RABGAP1: variants seen among roughly 807,000 people sequenced by gnomAD.
RABGAP1 encodes the protein RAB GTPase activating protein 1.
RABGAP1 carries 23 observed loss-of-function variants against 137.6 expected under a neutral mutation model. The ratio of observed to expected loss-of-function variants is 0.17; its 90% confidence interval spans 0.12 to 0.24. RABGAP1 has a LOEUF of 0.24. Ranked by LOEUF, RABGAP1 falls within the 10% of genes least tolerant of loss-of-function variation. The pLI, the probability that RABGAP1 is intolerant of heterozygous loss-of-function variation, is 1.00. For missense variants in RABGAP1, 906 were observed against 1,275.8 expected, an observed-to-expected ratio of 0.71 and a Z score of 4.42; for synonymous variants, 451 against 450.7, an observed-to-expected ratio of 1.00 and a Z score of -0.01.
chr9:122,950,377 C>CTTTTTTTTTTTTTTT (rs200424486), intron 1 of RABGAP1, among the ~76,000 whole-genome samples: 60 of 74,486 alleles, frequency 8.1e-4, no homozygotes, highest in East Asian at 3.8e-3. Flanking sequence ...CTTTTTCTTT[C>CTTTTTTTTTTTTTTT]TTTTTTTTTT....
chr9:122,982,855 G>A (rs897311990), intron 2 of RABGAP1, among the ~76,000 whole-genome samples: 4 of 152,050 alleles, frequency 2.6e-5, no homozygotes, highest in African/African-American at 9.7e-5. Flanking sequence ...GGGCAACATA[G>A]TGATATGATG....
At chr9:123,097,606 G>A (rs1448748597) in intron 21 of RABGAP1, 135 bp from the exon 22 acceptor site, 1 of 702,812 alleles carries the variant, frequency 1.4e-6, no homozygotes, top group Non-Finnish European at 2.4e-6. Context: ...TATTCTCATT[G>A]TGACCCTGGG....
At chr9:122,987,768 A>G (rs1329957904) in intron 4 of RABGAP1, among the ~76,000 whole-genome samples, 3 of 152,140 alleles carry the variant, frequency 2.0e-5, no homozygotes, top group East Asian at 3.8e-4. Flanking sequence ...TTTGAGCTCA[A>G]TCTTTTTAGA....
At chr9:123,084,171 A>G (rs184593621) in intron 19 of RABGAP1, among the ~76,000 whole-genome samples, 230 of 152,318 alleles carry the variant, frequency 1.5e-3, no homozygotes, top group African/African-American at 5.3e-3. Context: ...TCATCTCAAT[A>G]AGTTGTTTTG....
rs1037604898 is a variant in RABGAP1 at position 123,008,937 on chromosome 9, A to G, written c.1375-1417A>G. ...AATCATTTGCATATCTCCTGGACAC[A>G]AATCTATAGGTTAACATGTAACTTC... is the stretch of plus-strand genomic sequence containing the variant. On this transcript the variant is annotated intron_variant, in intron 10 of 25. Coordinates refer to ENST00000373647, the MANE Select transcript of RABGAP1 (RefSeq NM_012197.4). Among the ~76,000 whole-genome samples the G allele has an allele frequency of 4.6e-5, 7 of 152,354 alleles. No homozygotes were observed. The South Asian group carries it at 1.0e-3, about 23-fold the overall frequency.
At chr9:123,047,381 C>T (rs2033252692) in intron 13 of RABGAP1, among the ~76,000 whole-genome samples, 2 of 152,044 alleles carry the variant, frequency 1.3e-5, no homozygotes, top group Non-Finnish European at 2.9e-5. Context: ...TGTCTAGTAA[C>T]TTTTAAAGTA....
chr9:123,099,693 T>G, intron 24 of RABGAP1, 144 bp downstream of exon 24: 1 of 659,666 alleles, frequency 1.5e-6, no homozygotes, highest in East Asian at 2.7e-5. Context: ...GGCTCAGTAG[T>G]TGACAACTAA....
At chr9:123,055,543 C>T (rs1467893310) in intron 13 of RABGAP1, among the ~76,000 whole-genome samples, 4 of 141,172 alleles carry the variant, frequency 2.8e-5, no homozygotes, top group Non-Finnish European at 4.6e-5. Context: ...GATATTTCTT[C>T]TTCTTTTTTT....
At chr9:123,087,449 G>A (rs1298395637) in intron 19 of RABGAP1, among the ~76,000 whole-genome samples, 2 of 152,100 alleles carry the variant, frequency 1.3e-5, no homozygotes, top group Non-Finnish European at 2.9e-5. Context: ...GTTCGCAGCC[G>A]CATTTATTTT....
At position 122,952,519 on chromosome 9, in the gene RABGAP1, C is replaced by T. The variant is rs181746252; in HGVS notation, c.-49-4492C>T. 1.7e-4 allele frequency among the ~76,000 whole-genome samples: 26 copies of T among 152,206 alleles called. No homozygotes were observed. The East Asian group carries it at 3.5e-3, about 20-fold the overall frequency. On this transcript the variant is annotated intron_variant, in intron 1 of 25. Coordinates refer to ENST00000373647, the MANE Select transcript of RABGAP1 (RefSeq NM_012197.4). ...TCCTGATCTCGTGATCTGCCCGCCTCGGCCTCCCAAAGTGCTGGGATTACA... is the reference window on the plus strand; with the variant it reads ...TCCTGATCTCGTGATCTGCCCGCCTTGGCCTCCCAAAGTGCTGGGATTACA...
chr9:122,942,115 AG>A (rs1179907524), intron 1 of RABGAP1, among the ~76,000 whole-genome samples: 2 of 152,250 alleles, frequency 1.3e-5, no homozygotes, highest in Non-Finnish European at 1.5e-5. Flanking sequence ...TGCCTGGAGT[AG>A]TAAGTACACA....
In RABGAP1 at chr9:123,065,455, A is replaced by G; in HGVS notation, c.1902A>G (p.Ile634Met). 6.3e-7 allele frequency: 1 copy of G among 1,587,704 alleles called. No homozygotes were observed. Among genetic ancestry groups the G allele is most frequent in the Non-Finnish European group, 8.6e-7 (1 of 1,156,230 alleles). ...GGDGQDSLYK[I>M]CKAYSVYDEE... The stretch of plus-strand genomic sequence containing the variant: ...ATGGACAAGATTCCTTATATAAAAT[A>G]TGCAAGGTATTTCATGTCAAAAAAA... Residue 634 changes from isoleucine to methionine, a missense_variant, in exon 14 of 26, where the codon ATA (isoleucine) becomes ATG (methionine). By Grantham distance (10) the Ile-to-Met change is conservative (BLOSUM62 1). This residue lies in a region of RABGAP1 where 30 missense variants were observed against 105.8 expected (regional missense o/e 0.28). Transcript: ENST00000373647.
intron 13 of RABGAP1, chr9:123,029,766 A>T: frequency 1.7e-6 from 1 of 597,630 alleles, no homozygotes; most frequent in South Asian, 1.4e-5. Flanking sequence ...TGAAGCTCGG[A>T]GAGCAGTGGC....
chr9:123,036,159 G>A (rs2032647794), intron 13 of RABGAP1, among the ~76,000 whole-genome samples: 1 of 152,176 alleles, frequency 6.6e-6, no homozygotes, highest in African/African-American at 2.4e-5. Context: ...AAAGCCAAAT[G>A]TTCTGTGTTT....
chr9:123,000,792 G>A (rs1232910546), intron 10 of RABGAP1, among the ~76,000 whole-genome samples: 1 of 152,040 alleles, frequency 6.6e-6, no homozygotes, highest in Non-Finnish European at 1.5e-5. Context: ...GGGATTATAA[G>A]GCATGAGCCA....
At chr9:123,008,700 A>AG (rs2030531674) in intron 10 of RABGAP1, among the ~76,000 whole-genome samples, 1 of 152,188 alleles carries the variant, frequency 6.6e-6, no homozygotes, top group African/African-American at 2.4e-5. Context: ...ATAATTATCA[A>AG]TTTAGAATGA....
At chr9:122,939,419 A>T (rs1031309343), upstream of RABGAP1, 17 of 151,928 alleles carry the variant, frequency 1.1e-4, no homozygotes, top group African/African-American at 3.9e-4. Context: ...CCATCCTCCC[A>T]CCTCAGCCTC....
At chr9:123,005,407 T>C (rs1741672153) in intron 10 of RABGAP1, among the ~76,000 whole-genome samples, 1 of 152,162 alleles carries the variant, frequency 6.6e-6, no homozygotes, top group Admixed American at 6.5e-5. Flanking sequence ...TACCCATAGA[T>C]AACAATTATT....
intron 12 of RABGAP1, among the ~76,000 whole-genome samples, chr9:123,019,068 A>C (rs769973114): frequency 6.6e-6 from 1 of 152,224 alleles, no homozygotes; most frequent in African/African-American, 2.4e-5. Flanking sequence ...CTGAAGGTCA[A>C]ATAAGATACT....
Sources: gnomAD v4.1 joint callset for allele counts (sites outside exome capture counted in the v4.1 genomes callset) on GRCh38, gnomAD v4.1.1 for gene constraint, gnomAD v4.1.1 regional missense constraint, MANE v1.5 for transcripts, NCBI Gene and HGNC (gene_info 2026-07-23, HGNC 2026-07-21) for gene names.